The following GRAP2 variants were observed in gnomAD, a reference collection of about 807,000 sequenced individuals.
The protein encoded by GRAP2 is GRB2 related adaptor protein 2.
A neutral mutation model predicts 43.5 loss-of-function variants in GRAP2; 31 were observed. The ratio of observed to expected loss-of-function variants is 0.71; its 90% confidence interval spans 0.54 to 0.96. GRAP2 has a LOEUF of 0.96. Among genes scored for constraint, GRAP2 ranks in the 40% least tolerant of loss-of-function variants. The pLI is 0.00. For missense variants in GRAP2, 371 were observed against 424.4 expected (o/e 0.87, Z 1.11); for synonymous variants, 156 against 164.8 (o/e 0.95, Z 0.41).
chr22:39,948,386 C>A (rs1464169278), intron 2 of GRAP2: 1 of 152,164 alleles, frequency 6.6e-6, no homozygotes, highest in Admixed American at 6.6e-5. Flanking sequence ...AAGTTCCTGC[C>A]TTCTCTGTGG....
At chr22:39,941,643 C>T (rs2066872165) in intron 1 of GRAP2, among the ~76,000 whole-genome samples, 1 of 152,184 alleles carries the variant, frequency 6.6e-6, no homozygotes, top group Non-Finnish European at 1.5e-5. Context: ...ATTCAAATCT[C>T]AGGGTCCACA....
chr22:39,898,824 A>G (rs2066475494), upstream of GRAP2, among the ~76,000 whole-genome samples: 1 of 152,214 alleles, frequency 6.6e-6, no homozygotes, highest in South Asian at 2.1e-4. Context: ...AAAAAACAAA[A>G]TAAAACAAAA....
intron 4 of GRAP2, 79 bp from the exon 5 acceptor site, chr22:39,965,911 C>A: frequency 8.5e-7 from 1 of 1,175,786 alleles, no homozygotes; most frequent in Non-Finnish European, 1.3e-6. Context: ...GAGAACTCCA[C>A]CATCCCAGAT....
At chr22:39,928,273 C>T (rs962567894) in intron 1 of GRAP2, among the ~76,000 whole-genome samples, 9 of 152,324 alleles carry the variant, frequency 5.9e-5, no homozygotes, top group African/African-American at 2.2e-4. Flanking sequence ...CATGTTTACC[C>T]ATTAACAAAT....
chr22:39,909,123 C>G (rs2066541973), intron 1 of GRAP2, among the ~76,000 whole-genome samples: 2 of 152,176 alleles, frequency 1.3e-5, no homozygotes, highest in Non-Finnish European at 2.9e-5. Flanking sequence ...CTTGTGTAAA[C>G]AAACTCATTT....
intron 4 of GRAP2, among the ~76,000 whole-genome samples, chr22:39,963,207 T>A (rs1758819754): frequency 6.6e-6 from 1 of 152,248 alleles, no homozygotes; most frequent in Non-Finnish European, 1.5e-5. Context: ...ATTGTAGTTC[T>A]ATCACTCAGC....
rs572315989 is a variant in GRAP2, at chr22:39,956,284, A to C, written c.170+374A>C. ...GCCATCCTCTCACCTCAGCCTCCCA[A>C]GTAGCTGGGATTACAGGCACATGCC... On this transcript the variant is annotated intron_variant, in intron 3 of 7. Coordinates refer to ENST00000344138, the MANE Select transcript of GRAP2 (RefSeq NM_004810.4). Among the ~76,000 whole-genome samples, 514 of 151,600 alleles carry C rather than the reference A, an allele frequency of 3.4e-3. 4 individuals are homozygous for C. Among genetic ancestry groups the C allele is most frequent in the Middle Eastern group, 0.01 (3 of 292 alleles).
chr22:39,940,085 A>G (rs2066851259), intron 1 of GRAP2, among the ~76,000 whole-genome samples: 1 of 152,184 alleles, frequency 6.6e-6, no homozygotes, highest in Non-Finnish European at 1.5e-5. Flanking sequence ...CCGCATCTCC[A>G]GAGAAAACCA....
intron 1 of GRAP2, among the ~76,000 whole-genome samples, chr22:39,929,540 C>G (rs1211195896): frequency 6.6e-6 from 1 of 152,206 alleles, no homozygotes; most frequent in African/African-American, 2.4e-5. Flanking sequence ...TACAAACTTA[C>G]CTTCTGCATC....
intron 1 of GRAP2, among the ~76,000 whole-genome samples, chr22:39,924,767 A>T (rs943238020): frequency 1.3e-5 from 2 of 152,208 alleles, no homozygotes; most frequent in African/African-American, 4.8e-5. Flanking sequence ...TGAGCAGGAC[A>T]ATGTGCTAAG....
intron 1 of GRAP2, among the ~76,000 whole-genome samples, chr22:39,941,491 A>G (rs1451946606): frequency 6.6e-6 from 1 of 152,262 alleles, no homozygotes; most frequent in Non-Finnish European, 1.5e-5. Context: ...AAATGTATAT[A>G]TCAGGGTTTG....
chr22:39,896,183 G>C (rs915574392), upstream of GRAP2, among the ~76,000 whole-genome samples: 36 of 152,208 alleles, frequency 2.4e-4, no homozygotes, highest in Non-Finnish European at 1.8e-4. Context: ...AGAGGAACTG[G>C]AAGAAGAACA....
chr22:39,908,326 G>C (rs983748278), intron 1 of GRAP2, among the ~76,000 whole-genome samples: 1 of 152,192 alleles, frequency 6.6e-6, no homozygotes, highest in Non-Finnish European at 1.5e-5. Flanking sequence ...GCCTTTGTGG[G>C]CTGCTTGGGT....
Position 39,953,349 on chromosome 22 carries a change from G to A in GRAP2, c.79-2470G>A, listed in dbSNP as rs2267421. Among the ~76,000 whole-genome samples, 1,814 of 152,138 alleles carry A rather than the reference G, an allele frequency of 0.012. 167 individuals are homozygous for A. The East Asian group carries it at 0.26, about 22-fold the overall frequency. On this transcript the variant is annotated intron_variant, in intron 2 of 7. Coordinates refer to ENST00000344138, the MANE Select transcript of GRAP2 (RefSeq NM_004810.4). ...ATGTATCTTCTATTTCTGTAAAGCC[G>A]TCACCACCTACTCAGTCTCCCAAGC... is the stretch of plus-strand genomic sequence containing the variant.
At chr22:39,896,922 C>T (rs1482250582), upstream of GRAP2, among the ~76,000 whole-genome samples, 1 of 152,154 alleles carries the variant, frequency 6.6e-6, no homozygotes, top group Non-Finnish European at 1.5e-5. Flanking sequence ...CTTCACCTGA[C>T]TTCCCGGACA....
intron 4 of GRAP2, chr22:39,963,841 C>A (rs1419890140): frequency 6.5e-6 from 1 of 153,166 alleles, no homozygotes; most frequent in Non-Finnish European, 1.5e-5. Context: ...CACGATGAAA[C>A]CCCGTCTCTA....
chr22:39,943,583 G>T (rs2145630076), intron 1 of GRAP2, among the ~76,000 whole-genome samples: 2 of 152,212 alleles, frequency 1.3e-5, no homozygotes, highest in African/African-American at 4.8e-5. Context: ...GAGGTGGTTT[G>T]GCTGCCCCTA....
chr22:39,966,537 A>G (rs755703337), intron 5 of GRAP2, among the ~76,000 whole-genome samples: 5 of 152,210 alleles, frequency 3.3e-5, no homozygotes, highest in South Asian at 4.1e-4. Context: ...AAAGTTTTCA[A>G]CCTAGCTCAA....
intron 1 of GRAP2, 172 bp from the exon 2 acceptor site, chr22:39,946,921 G>A (rs2066928170): frequency 1.7e-6 from 1 of 572,396 alleles, no homozygotes; most frequent in South Asian, 2.2e-5. Context: ...ATAGATTCCG[G>A]CAGCTCTTCC....
Sources: allele counts gnomAD v4.1 joint callset (sites outside exome capture counted in the v4.1 genomes callset), GRCh38; gene constraint gnomAD v4.1.1; transcripts MANE v1.5; gene names NCBI Gene and HGNC (gene_info 2026-07-23, HGNC 2026-07-21).